Variants in PDE10A observed in about 807,000 individuals in gnomAD.
PDE10A encodes phosphodiesterase 10A.
PDE10A carries 39 observed loss-of-function variants against 97.7 expected under a neutral mutation model. The ratio of observed to expected loss-of-function variants is 0.40; its 90% CI spans 0.31 to 0.52. The LOEUF is 0.52. Ranked by LOEUF, PDE10A falls within the 20% of genes least tolerant of loss-of-function variation. The pLI, the probability that PDE10A is intolerant of heterozygous loss-of-function variation, is 0.56. For synonymous variants in PDE10A, 371 were observed against 376.8 expected, an observed-to-expected ratio of 0.98 and a Z score of 0.18; for missense variants, 731 against 1,047.8, an observed-to-expected ratio of 0.70 and a Z score of 4.17.
chr6:165,511,066 C>T (rs752312170), intron 2 of PDE10A, among the ~76,000 whole-genome samples: 2 of 151,762 alleles, frequency 1.3e-5, no homozygotes, highest in Non-Finnish European at 2.9e-5. Context: ...TGTTCTACTA[C>T]TTCTAGATTT....
chr6:165,972,454 GA>G (rs1448305210), intron 1 of PDE10A, among the ~76,000 whole-genome samples: 5 of 151,886 alleles, frequency 3.3e-5, no homozygotes, highest in South Asian at 2.1e-4. Flanking sequence ...TCTCTGTCAC[GA>G]AAAAAAATTA....
intron 3 of PDE10A, among the ~76,000 whole-genome samples, chr6:165,452,643 C>T (rs566414422): frequency 6.6e-6 from 1 of 152,310 alleles, no homozygotes; most frequent in African/African-American, 2.4e-5. Flanking sequence ...ACCTCCCAGC[C>T]TCCAAAATTG....
intron 1 of PDE10A, among the ~76,000 whole-genome samples, chr6:165,605,196 T>C (rs11751728): frequency 2.0e-5 from 3 of 152,068 alleles, no homozygotes; most frequent in Admixed American, 2.0e-4. Flanking sequence ...CTTCCTTTCA[T>C]CTGTGACTCC....
In PDE10A at chr6:165,762,064, CAG is replaced by C. The variant is rs1052976943; in HGVS notation, c.-614-218498_-614-218497del. 7.9e-5 allele frequency among the ~76,000 whole-genome samples: 12 copies of C among 152,316 alleles called. No individual in the cohort carries two copies. The South Asian group carries it at 1.7e-3, about 21-fold the overall frequency. ...TCAGAAAACCAACCATCAGTCCTCC[CAG>C]AGAGTATAAATAAGCTGAAACTCAC... On this transcript the variant is annotated intron_variant, in intron 1 of 19. Coordinates refer to the PDE10A transcript ENST00000366882.
At chr6:165,664,658 G>T (rs1790450955), upstream of PDE10A, among the ~76,000 whole-genome samples, 1 of 152,210 alleles carries the variant, frequency 6.6e-6, no homozygotes, top group African/African-American at 2.4e-5. Context: ...GCAGCCTCCC[G>T]GCTTGACGCT....
In PDE10A at chr6:165,329,222, C is replaced by T. The variant is rs1781209119; in HGVS notation, c.*3803G>A. ...ACATCATAACCAGTGTCACAGTTCTCTGAAGTTCTTGCCGAAAAGACTGAC... is the reference window on the plus strand; with the variant it reads ...ACATCATAACCAGTGTCACAGTTCTTTGAAGTTCTTGCCGAAAAGACTGAC... On this transcript the variant is annotated 3_prime_UTR_variant, in exon 22 of 22. Coordinates refer to ENST00000539869, the MANE Select transcript of PDE10A (RefSeq NM_001385079.1). 1 of 152,182 alleles carries T rather than the reference C, an allele frequency of 6.6e-6. No homozygotes were observed. Among genetic ancestry groups the T allele is most frequent in the Non-Finnish European group, 1.5e-5 (1 of 68,042 alleles). 9.4% of individuals were successfully genotyped at this position (152,182 alleles called of 1,614,324 possible).
chr6:165,775,851 C>A (rs1778164522), intron 1 of PDE10A: 2 of 152,162 alleles, frequency 1.3e-5, no homozygotes, highest in South Asian at 4.1e-4. Context: ...AAACTTGGAA[C>A]TTGTATTAGA....
chr6:165,694,112 C>T (rs1401189237), intron 1 of PDE10A, among the ~76,000 whole-genome samples: 1 of 152,154 alleles, frequency 6.6e-6, no homozygotes, highest in African/African-American at 2.4e-5. Context: ...GTAAGTGTAA[C>T]ATAATTTGGC....
At chr6:165,725,910 G>A (rs1204895831) in intron 1 of PDE10A, among the ~76,000 whole-genome samples, 1 of 152,128 alleles carries the variant, frequency 6.6e-6, no homozygotes, top group African/African-American at 2.4e-5. Flanking sequence ...GAAGGAGCCT[G>A]CTGTGAGCTC....
At chr6:165,761,005 C>A (rs1029682074) in intron 1 of PDE10A, among the ~76,000 whole-genome samples, 39 of 152,330 alleles carry the variant, frequency 2.6e-4, no homozygotes, top group African/African-American at 8.7e-4. Context: ...AGCTTACACA[C>A]TGGGAGAACG....
At chr6:165,647,315 G>A (rs1789450454) in intron 1 of PDE10A, among the ~76,000 whole-genome samples, 1 of 152,218 alleles carries the variant, frequency 6.6e-6, no homozygotes, top group Non-Finnish European at 1.5e-5. Flanking sequence ...GCTGCCAGCG[G>A]CAGGGCCTTC....
chr6:165,444,195 C>T (rs762257689), intron 5 of PDE10A, among the ~76,000 whole-genome samples: 3 of 152,190 alleles, frequency 2.0e-5, no homozygotes, highest in Non-Finnish European at 4.4e-5. Context: ...TCGTCACAAC[C>T]ATTCAACAAG....
At chr6:165,983,138 G>A (rs1483019371) in intron 1 of PDE10A, among the ~76,000 whole-genome samples, 4 of 152,034 alleles carry the variant, frequency 2.6e-5, no homozygotes, top group African/African-American at 9.7e-5. Context: ...GAAACATTCA[G>A]TCTAAGCTAG....
chr6:165,448,761 C>T (rs1365365549), intron 5 of PDE10A, among the ~76,000 whole-genome samples, 167 bp downstream of exon 5: 1 of 151,710 alleles, frequency 6.6e-6, no homozygotes, highest in African/African-American at 2.4e-5. Flanking sequence ...TAAATGTTGC[C>T]ATGTCAGTAA....
intron 1 of PDE10A, among the ~76,000 whole-genome samples, chr6:165,794,536 ACACT>A (rs780902119): frequency 6.6e-5 from 10 of 151,824 alleles, no homozygotes; most frequent in Non-Finnish European, 1.2e-4. Context: ...ACCCTCACAC[ACACT>A]CATTACACAC....
intron 1 of PDE10A, among the ~76,000 whole-genome samples, chr6:165,814,732 C>A (rs1207479651): frequency 6.6e-6 from 1 of 152,156 alleles, no homozygotes; most frequent in Non-Finnish European, 1.5e-5. Context: ...CCAACCCTAT[C>A]TGGAAAATTA....
At chr6:165,901,094 G>A (rs909071385) in intron 1 of PDE10A, among the ~76,000 whole-genome samples, 1 of 152,182 alleles carries the variant, frequency 6.6e-6, no homozygotes, top group African/African-American at 2.4e-5. Context: ...CTCATCCACC[G>A]AATTCTCCAC....
chr6:165,662,692 GC>G lies in PDE10A; in HGVS notation c.119del (p.Gly40AlafsTer134), dbSNP rs931008843. The G allele has an allele frequency of 6.9e-6, 1 of 145,380 alleles. No homozygotes were observed. Among genetic ancestry groups the G allele is most frequent in the African/African-American group, 2.5e-5 (1 of 40,520 alleles). 9.0% of individuals were successfully genotyped at this position (145,380 alleles called of 1,614,324 possible). A position where few individuals can be genotyped will look rare whatever the true frequency, so the allele number is the denominator to read the frequency against. On this transcript the variant is annotated frameshift_variant, in exon 1 of 22. Transcript: ENST00000539869. LOFTEE classifies it high-confidence loss of function. ...LRPEPRLSAA[G>X]GGSAAGPGPA... ...GGCCCGGGCCCGCCGCGCTCCCCCC[GC>G]CGGCCGCGCTGAGCCGGGGTTCCGG...
At chr6:165,969,317 G>A (rs149530707) in intron 1 of PDE10A, among the ~76,000 whole-genome samples, 2 of 152,242 alleles carry the variant, frequency 1.3e-5, no homozygotes, top group East Asian at 3.9e-4. Flanking sequence ...GAGGAGGGTG[G>A]TGGCTCAGGT....
Sources: allele counts gnomAD v4.1 joint callset (sites outside exome capture counted in the v4.1 genomes callset), GRCh38; gene constraint gnomAD v4.1.1; transcripts MANE v1.5; gene names NCBI Gene and HGNC (gene_info 2026-07-23, HGNC 2026-07-21).